The following DHX32 variants were observed in gnomAD, a reference collection of about 807,000 sequenced individuals.
DHX32 encodes the protein DEAH-box helicase 32 (putative), also known as putative pre-mRNA-splicing factor ATP-dependent RNA helicase DHX32.
A neutral mutation model predicts 70.0 loss-of-function variants in DHX32; 51 were observed. The observed-to-expected ratio is 0.73, with a 90% confidence interval of 0.58 to 0.92. The LOEUF (loss-of-function observed/expected upper bound fraction) is 0.92. Among genes scored for constraint, DHX32 ranks in the 40% least tolerant of loss-of-function variants. DHX32 has a pLI of 0.00. For missense variants in DHX32, 762 were observed against 891.8 expected (o/e 0.85, Z 1.85); for synonymous variants, 310 against 315.3 (o/e 0.98, Z 0.18).
intron 1 of DHX32, among the ~76,000 whole-genome samples, chr10:125,879,283 C>A (rs113135241): frequency 3.3e-5 from 5 of 151,902 alleles, no homozygotes; most frequent in African/African-American, 1.2e-4. Flanking sequence ...CTCAGCCTCC[C>A]AAAGTGATGG....
chr10:125,853,105 A>C (rs1359123772), intron 4 of DHX32: 2 of 1,555,616 alleles, frequency 1.3e-6, no homozygotes, highest in Admixed American at 3.5e-5. Context: ...GTATGGCACT[A>C]ACAATGATTT....
intron 1 of DHX32, among the ~76,000 whole-genome samples, chr10:125,887,000 T>C (rs1385480418): frequency 6.6e-6 from 1 of 152,286 alleles, no homozygotes; most frequent in African/African-American, 2.4e-5. Flanking sequence ...CACTGGTAAT[T>C]TCCACTCCTA....
At chr10:125,873,261 T>C (rs1239846869) in intron 1 of DHX32, among the ~76,000 whole-genome samples, 1 of 152,176 alleles carries the variant, frequency 6.6e-6, no homozygotes, top group Non-Finnish European at 1.5e-5. Flanking sequence ...CCTCATCTAA[T>C]GGATAATAAA....
At chr10:125,891,239 G>A (rs555588709) in intron 1 of DHX32, among the ~76,000 whole-genome samples, 5 of 152,368 alleles carry the variant, frequency 3.3e-5, no homozygotes, top group Admixed American at 2.0e-4. Flanking sequence ...GAAAAATTTT[G>A]TGTGAGATTC....
At chr10:125,856,049 C>A (rs886162498) in intron 3 of DHX32, among the ~76,000 whole-genome samples, 4 of 152,204 alleles carry the variant, frequency 2.6e-5, no homozygotes, top group Admixed American at 6.5e-5. Flanking sequence ...ACAGCTGATA[C>A]AGGGCTTTAA....
intron 1 of DHX32, chr10:125,896,134 C>T (rs1158513263): frequency 6.7e-5 from 11 of 163,942 alleles, no homozygotes; most frequent in Non-Finnish European, 1.2e-4. Flanking sequence ...ACAACAGGTG[C>T]GCCGGGGCCG....
chr10:125,841,658 A>C, intron 7 of DHX32, 85 bp downstream of exon 7: 1 of 1,533,826 alleles, frequency 6.5e-7, no homozygotes, highest in South Asian at 1.3e-5. Flanking sequence ...TGTGCTCCTC[A>C]AAATATAATT....
At chr10:125,852,499 A>C in intron 5 of DHX32, 44 bp downstream of exon 5, 1 of 1,613,378 alleles carries the variant, frequency 6.2e-7, no homozygotes, top group Non-Finnish European at 8.5e-7. Flanking sequence ...GGTTGCCTGC[A>C]TACAAGAATT....
chr10:125,850,354 C>CTTTTTTTT (rs765077777), intron 6 of DHX32, among the ~76,000 whole-genome samples: 29 of 124,544 alleles, frequency 2.3e-4, no homozygotes, highest in East Asian at 6.7e-4. Context: ...TTCTTTCTTT[C>CTTTTTTTT]TTTTTTTTTT....
intron 3 of DHX32, 72 bp from the exon 4 acceptor site, chr10:125,854,275 AC>A (rs751637119): frequency 2.6e-5 from 38 of 1,460,138 alleles, no homozygotes; most frequent in Non-Finnish European, 3.2e-5. Flanking sequence ...TGTCTGAATT[AC>A]AAAAAATTTT....
At chr10:125,860,748 T>C (rs1025244796) in intron 2 of DHX32, among the ~76,000 whole-genome samples, 1 of 119,354 alleles carries the variant, frequency 8.4e-6, no homozygotes, top group Non-Finnish European at 1.7e-5. Context: ...AAGAAACCAA[T>C]CCCATTTTTT....
intron 6 of DHX32, among the ~76,000 whole-genome samples, chr10:125,848,595 G>A (rs188936743): frequency 1.3e-5 from 2 of 152,308 alleles, no homozygotes; most frequent in African/African-American, 4.8e-5. Flanking sequence ...GTCCAGTGCT[G>A]TTGCTGTTAT....
At chr10:125,860,189 C>A (rs1269304096) in intron 2 of DHX32, among the ~76,000 whole-genome samples, 1 of 152,118 alleles carries the variant, frequency 6.6e-6, no homozygotes, top group Non-Finnish European at 1.5e-5. Context: ...TGTATATGTT[C>A]ATGGACTGCC....
rs146568119 is a variant in DHX32, at chr10:125,877,269, G to A, written c.282+3274C>T. Among the ~76,000 whole-genome samples the A allele has an allele frequency of 2.7e-3, 418 of 152,206 alleles. 6 individuals carry two copies. The highest frequency in any genetic ancestry group is 6.6e-3 in the African/African-American group (274 of 41,522). On this transcript the variant is annotated intron_variant, in intron 1 of 10. Transcript: ENST00000284690. ...TAGCTTCTCGTAATGAACTGAAATC[G>A]TTTGTTATAACAATAACAGCGTAAC...
chr10:125,842,316 G>A (rs544523289), intron 6 of DHX32: 26 of 191,458 alleles, frequency 1.4e-4, no homozygotes, highest in Middle Eastern at 2.1e-3. Context: ...GGGCCAGAGG[G>A]AGCTCCCTCA....
intron 1 of DHX32, among the ~76,000 whole-genome samples, chr10:125,877,828 T>G (rs1340553743): frequency 6.6e-6 from 1 of 152,210 alleles, no homozygotes; most frequent in Non-Finnish European, 1.5e-5. Context: ...CAAATCCTTC[T>G]GGGCCACAGT....
intron 6 of DHX32, chr10:125,842,807 A>G (rs1178577004): frequency 1.1e-6 from 1 of 949,568 alleles, no homozygotes; most frequent in Non-Finnish European, 1.3e-6. Context: ...TAGCAAGCTG[A>G]TTCTCTCCAT....
upstream of DHX32, among the ~76,000 whole-genome samples, chr10:125,885,910 CAG>C (rs1171634563): frequency 1.3e-5 from 2 of 152,358 alleles, no homozygotes; most frequent in East Asian, 3.9e-4. Flanking sequence ...AGCCTGCAGT[CAG>C]AGTCATCCTA....
chr10:125,851,994 C>A (rs1010386478), intron 6 of DHX32, among the ~76,000 whole-genome samples: 1 of 151,494 alleles, frequency 6.6e-6, no homozygotes, highest in African/African-American at 2.4e-5. Flanking sequence ...TCTGCTGATT[C>A]ACCCTTACGC....
Sources: gnomAD v4.1 joint callset for allele counts (sites outside exome capture counted in the v4.1 genomes callset) on GRCh38, gnomAD v4.1.1 for gene constraint, MANE v1.5 for transcripts, NCBI Gene and HGNC (gene_info 2026-07-23, HGNC 2026-07-21) for gene names.